Variants in SNRNP40 observed in about 807,000 individuals in gnomAD.
SNRNP40 encodes the protein U5 small nuclear ribonucleoprotein 40 kDa protein.
In SNRNP40, 21 loss-of-function variants were observed where a neutral mutation model predicts 45.8. The observed-to-expected ratio is 0.46, with a 90% CI of 0.32 to 0.66. SNRNP40 has a LOEUF of 0.66. Among genes scored for constraint, SNRNP40 ranks in the 30% least tolerant of loss-of-function variants. SNRNP40 has a pLI of 0.03. For missense variants in SNRNP40, 344 were observed against 439.1 expected (o/e 0.78, Z 1.94); for synonymous variants, 142 against 163.8 (o/e 0.87, Z 1.01).
intron 5 of SNRNP40, among the ~76,000 whole-genome samples, chr1:31,274,394 A>G (rs1216475582): frequency 6.6e-6 from 1 of 151,334 alleles, no homozygotes; most frequent in Admixed American, 6.6e-5. Context: ...GCACCACCAC[A>G]CCCAGCTAAT....
At chr1:31,283,800 TCTC>T (rs1201442428) in intron 4 of SNRNP40, among the ~76,000 whole-genome samples, 4 of 152,200 alleles carry the variant, frequency 2.6e-5, no homozygotes, top group African/African-American at 9.7e-5. Flanking sequence ...AAAGTAGTCT[TCTC>T]AACAAATTGT....
chr1:31,273,961 TTG>T (rs910766376), intron 5 of SNRNP40, among the ~76,000 whole-genome samples: 16 of 152,188 alleles, frequency 1.1e-4, no homozygotes, highest in African/African-American at 3.6e-4. Context: ...AAGTTTTTTT[TTG>T]TTTTTGTTTT....
Position 31,296,676 on chromosome 1 carries a change from A to G in SNRNP40, c.76T>C (p.Leu26=), listed in dbSNP as rs200017407. Residue 26 remains leucine, a synonymous_variant, in exon 1 of 10, where the codon TTG becomes CTG. Transcript: ENST00000263694. ...PVKRQRHELL[L]GAGSGPGAGQ... Reference sequence around the variant, plus strand: ...GCTCCTGGGCCAGACCCCGCTCCCAACAGCAACTCATGCCGCTGCCGCTTG... The same window carrying G: ...GCTCCTGGGCCAGACCCCGCTCCCAGCAGCAACTCATGCCGCTGCCGCTTG... 6.8e-6 allele frequency: 11 copies of G among 1,613,962 alleles called. No homozygotes were observed. In the East Asian group the frequency reaches 1.6e-4, roughly 23 times the overall value.
chr1:31,296,559 T>G, intron 1 of SNRNP40, 52 bp downstream of exon 1: 1 of 1,564,186 alleles, frequency 6.4e-7, no homozygotes, highest in South Asian at 1.2e-5. Flanking sequence ...TACAGCGCTC[T>G]GAGGGGAGGA....
At chr1:31,278,825 G>A (rs1211824327) in intron 5 of SNRNP40, among the ~76,000 whole-genome samples, 3 of 152,092 alleles carry the variant, frequency 2.0e-5, no homozygotes, top group Non-Finnish European at 4.4e-5. Flanking sequence ...GGAAGTAGAC[G>A]AGATCTGTCT....
intron 4 of SNRNP40, 194 bp from the exon 5 acceptor site, chr1:31,281,690 G>C (rs929860131): frequency 2.4e-6 from 1 of 418,186 alleles, no homozygotes; most frequent in Non-Finnish European, 4.2e-6. Flanking sequence ...ACATTTGAAG[G>C]CTGGTGAAAC....
At chr1:31,284,898 C>G (rs1306112450) in intron 4 of SNRNP40, among the ~76,000 whole-genome samples, 2 of 152,302 alleles carry the variant, frequency 1.3e-5, no homozygotes, top group East Asian at 3.9e-4. Flanking sequence ...CCCAACATCT[C>G]CTACTCCCCC....
intron 5 of SNRNP40, among the ~76,000 whole-genome samples, chr1:31,272,005 C>T (rs1049178286): frequency 7.9e-5 from 12 of 151,980 alleles, no homozygotes; most frequent in African/African-American, 2.9e-4. Context: ...GAATGCATAT[C>T]AAATGTTAAG....
At chr1:31,282,848 G>T (rs1342245641) in intron 4 of SNRNP40, among the ~76,000 whole-genome samples, 3 of 152,012 alleles carry the variant, frequency 2.0e-5, no homozygotes, top group Non-Finnish European at 2.9e-5. Context: ...GCTAATTTTT[G>T]TATTTTTAGT....
intron 6 of SNRNP40, 102 bp from the exon 7 acceptor site, chr1:31,269,342 T>G: frequency 6.5e-7 from 1 of 1,542,520 alleles, no homozygotes; most frequent in Non-Finnish European, 8.7e-7. Context: ...CAATGGCAGA[T>G]GCTGTTTCCT....
intron 4 of SNRNP40, among the ~76,000 whole-genome samples, chr1:31,288,348 T>C (rs1179665922): frequency 6.6e-6 from 1 of 152,198 alleles, no homozygotes; most frequent in African/African-American, 2.4e-5. Flanking sequence ...ACTGTGTCCT[T>C]GTGTGCCTCT....
intron 4 of SNRNP40, among the ~76,000 whole-genome samples, chr1:31,288,312 G>A (rs1408443305): frequency 6.6e-6 from 1 of 152,172 alleles, no homozygotes; most frequent in Non-Finnish European, 1.5e-5. Context: ...GTCAAAGAGA[G>A]AATCAAATGG....
At chr1:31,283,960 A>G (rs1235310829) in intron 4 of SNRNP40, among the ~76,000 whole-genome samples, 3 of 152,128 alleles carry the variant, frequency 2.0e-5, no homozygotes, top group Non-Finnish European at 4.4e-5. Flanking sequence ...ATGGTGGCTC[A>G]TGCCTGTAAC....
rs201293341 is a variant in SNRNP40 at position 31,281,512 on chromosome 1, A to G, written c.532-16T>C. The G allele has an allele frequency of 1.2e-5, 19 of 1,590,362 alleles. No homozygotes were observed. Among genetic ancestry groups the G allele is most frequent in the Non-Finnish European group, 1.7e-6 (2 of 1,160,728 alleles). ...TGTCCCAAAGCTGAAGCAAAGGACA[A>G]GACAGTCTATCAGCAACATCATTCT... On this transcript the variant is annotated splice_polypyrimidine_tract_variant and intron_variant, in intron 4 of 9. Coordinates refer to ENST00000263694, the MANE Select transcript of SNRNP40 (RefSeq NM_004814.3).
At chr1:31,293,067 T>G (rs1646118118) in intron 2 of SNRNP40, 152 bp downstream of exon 2, 2 of 735,988 alleles carry the variant, frequency 2.7e-6, no homozygotes, top group Non-Finnish European at 2.2e-6. Context: ...CCAAGATCAT[T>G]CAGCATGTTC....
At chr1:31,285,382 A>C (rs761671845) in intron 4 of SNRNP40, among the ~76,000 whole-genome samples, 21 of 151,912 alleles carry the variant, frequency 1.4e-4, no homozygotes, top group Non-Finnish European at 2.6e-4. Context: ...CTGGTATTAC[A>C]GGCATCTGCC....
Position 31,271,415 on chromosome 1 carries a change from C to A in SNRNP40, c.739G>T (p.Gly247Cys). 1 of 1,614,004 alleles carries A rather than the reference C, an allele frequency of 6.2e-7. No homozygotes were observed. The change falls in exon 6 of 10, where the codon GGC becomes TGC. Residue 247 changes from glycine (G) to cysteine (C), a missense_variant. This residue lies in a region of SNRNP40 where 254 missense variants were observed against 380.2 expected (regional missense o/e 0.67). Transcript: ENST00000263694. Reference sequence around the variant, plus strand: ...ATTGCATTGGACAAAAGATAAGAGCCTTCAGAACTTAAACTCAGGCCAGTC... The same window carrying A: ...ATTGCATTGGACAAAAGATAAGAGCATTCAGAACTTAAACTCAGGCCAGTC... ...SVTGLSLSSEGSYLLSNAMDN... is the reference protein window; with the variant it reads ...SVTGLSLSSECSYLLSNAMDN...
At position 31,296,607 on chromosome 1, in the gene SNRNP40, T is replaced by C. The variant is rs1418090901; in HGVS notation, c.141+4A>G. ...GGCCAAAGGCCGCCTGCTTCTTCAC[T>C]TACCGCTTGCAGCAAGGCTCCCGGC... On this transcript the variant is annotated splice_donor_region_variant and intron_variant, in intron 1 of 9. Transcript: ENST00000263694. 4.4e-6 allele frequency: 7 copies of C among 1,608,166 alleles called. No individual in the cohort carries two copies. Among genetic ancestry groups the C allele is most frequent in the Non-Finnish European group, 5.9e-6 (7 of 1,177,458 alleles).
intron 5 of SNRNP40, among the ~76,000 whole-genome samples, chr1:31,277,687 G>A (rs1205976315): frequency 4.6e-5 from 7 of 152,040 alleles, no homozygotes; most frequent in Non-Finnish European, 1.0e-4. Flanking sequence ...CGGATTAAAC[G>A]CTTTTTAGCT....
Sources: allele counts gnomAD v4.1 joint callset (sites outside exome capture counted in the v4.1 genomes callset), GRCh38; gene constraint gnomAD v4.1.1; regional missense constraint gnomAD v4.1.1; transcripts MANE v1.5; gene names NCBI Gene and HGNC (gene_info 2026-07-23, HGNC 2026-07-21).